GPC5: variants seen among roughly 807,000 people sequenced by gnomAD.
The protein encoded by GPC5 is glypican-5.
A neutral mutation model predicts 53.9 loss-of-function variants in GPC5; 47 were observed. That is an observed-to-expected ratio of 0.87 (90% CI 0.69 to 1.11). The LOEUF is 1.11. GPC5 is among the 50% of genes most tolerant of loss of function. The probability of loss-of-function intolerance (pLI) is 0.00; values close to 1 mark genes in which losing one functional copy is unlikely to be tolerated. For missense variants in GPC5, 748 were observed against 713.1 expected (o/e 1.05, Z -0.56); for synonymous variants, 286 against 263.3 (o/e 1.09, Z -0.84).
At chr13:91,989,644 G>A (rs1489388936) in intron 6 of GPC5, among the ~76,000 whole-genome samples, 1 of 152,130 alleles carries the variant, frequency 6.6e-6, no homozygotes, top group South Asian at 2.1e-4. Context: ...TAAAAGGCAT[G>A]TCATTTATTC....
At chr13:91,422,850 C>T (rs1237491572) in intron 1 of GPC5, among the ~76,000 whole-genome samples, 1 of 152,090 alleles carries the variant, frequency 6.6e-6, no homozygotes, top group Non-Finnish European at 1.5e-5. Flanking sequence ...TCATTGACAC[C>T]TTAATCTATG....
At chr13:92,859,832 C>G (rs1879121390) in intron 7 of GPC5, among the ~76,000 whole-genome samples, 1 of 152,010 alleles carries the variant, frequency 6.6e-6, no homozygotes, top group Admixed American at 6.6e-5. Flanking sequence ...GATGTGTGTT[C>G]TTTTGCTAAA....
chr13:92,523,597 A>T (rs1881153362), intron 7 of GPC5, among the ~76,000 whole-genome samples: 1 of 152,114 alleles, frequency 6.6e-6, no homozygotes, highest in South Asian at 2.1e-4. Context: ...TAGGTCTTCC[A>T]AATAACTATT....
At chr13:91,882,670 GTTTTT>G in intron 5 of GPC5, among the ~76,000 whole-genome samples, 1 of 59,322 alleles carries the variant, frequency 1.7e-5, no homozygotes, top group Non-Finnish European at 3.0e-5. Flanking sequence ...TGTTTTTTGG[GTTTTT>G]TTTTTTTTTT....
intron 7 of GPC5, among the ~76,000 whole-genome samples, chr13:92,385,597 AC>A (rs1874641540): frequency 1.5e-5 from 2 of 136,330 alleles, no homozygotes; most frequent in Admixed American, 7.6e-5. Flanking sequence ...ACGCATATAT[AC>A]ATATATACAC....
intron 7 of GPC5, among the ~76,000 whole-genome samples, chr13:92,595,767 CAAAAAAAA>C (rs35255458): frequency 1.1e-5 from 1 of 93,440 alleles, no homozygotes; most frequent in Non-Finnish European, 2.0e-5. Flanking sequence ...GACTCTGTCT[CAAAAAAAA>C]AAAAAAAAAA....
intron 7 of GPC5, among the ~76,000 whole-genome samples, chr13:92,852,485 T>C (rs1181106851): frequency 6.6e-6 from 1 of 152,220 alleles, no homozygotes; most frequent in Non-Finnish European, 1.5e-5. Context: ...TCCTGCACCC[T>C]GAGTTTCAGA....
chr13:91,660,672 C>G (rs1212816915), intron 2 of GPC5, among the ~76,000 whole-genome samples: 3 of 152,152 alleles, frequency 2.0e-5, no homozygotes, highest in Non-Finnish European at 4.4e-5. Flanking sequence ...TTTTGTTAAT[C>G]AGATCACCAG....
chr13:91,599,587 T>C (rs919340097), intron 2 of GPC5, among the ~76,000 whole-genome samples: 1 of 152,106 alleles, frequency 6.6e-6, no homozygotes, highest in Admixed American at 6.5e-5. Flanking sequence ...AAAATATACA[T>C]AAGTAAAAAC....
intron 2 of GPC5, among the ~76,000 whole-genome samples, chr13:91,512,481 G>A (rs1885284676): frequency 6.6e-6 from 1 of 152,200 alleles, no homozygotes; most frequent in Admixed American, 6.5e-5. Flanking sequence ...GGCATACTTT[G>A]AGGGATTCTC....
intron 7 of GPC5, among the ~76,000 whole-genome samples, chr13:92,192,390 T>G (rs570841272): frequency 4.6e-5 from 7 of 152,200 alleles, no homozygotes; most frequent in Admixed American, 3.3e-4. Context: ...AACATATAAC[T>G]GCTCTAAAAG....
intron 2 of GPC5, among the ~76,000 whole-genome samples, chr13:91,604,461 T>C (rs2033290327): frequency 6.6e-6 from 1 of 151,498 alleles, no homozygotes. Context: ...CCTTTGGGTA[T>C]ATACCCAGTA....
chr13:92,846,408 T>C (rs969057933), intron 7 of GPC5, among the ~76,000 whole-genome samples: 3 of 152,170 alleles, frequency 2.0e-5, no homozygotes, highest in Admixed American at 6.5e-5. Context: ...GATAATACTT[T>C]AGTAAAGTAT....
intron 2 of GPC5, among the ~76,000 whole-genome samples, chr13:91,542,898 C>T (rs907347508): frequency 6.8e-6 from 1 of 147,620 alleles, no homozygotes. Context: ...GCTCTGTCGC[C>T]CAGGCTGGAG....
chr13:91,965,352 A>C (rs2040171098), intron 6 of GPC5, among the ~76,000 whole-genome samples: 2 of 152,176 alleles, frequency 1.3e-5, no homozygotes, highest in Non-Finnish European at 2.9e-5. Flanking sequence ...GTCAGGTATA[A>C]AGGAGTGCTC....
Position 91,531,357 on chromosome 13 carries a change from C to T in GPC5, c.325+82435C>T, listed in dbSNP as rs200608249. 9.9e-5 allele frequency among the ~76,000 whole-genome samples: 15 copies of T among 151,812 alleles called. No homozygotes were observed. The East Asian group carries it at 1.7e-3, about 18-fold the overall frequency. On this transcript the variant is annotated intron_variant, in intron 2 of 7. Coordinates refer to ENST00000377067, the MANE Select transcript of GPC5 (RefSeq NM_004466.6). Reference sequence around the variant, plus strand: ...TTTATAGAAGTCATTGTGGATAAAGCGAAGAACATAGGGGTTTTTTTTCCT... The same window carrying T: ...TTTATAGAAGTCATTGTGGATAAAGTGAAGAACATAGGGGTTTTTTTTCCT...
At chr13:92,312,870 T>A (rs969601083) in intron 7 of GPC5, among the ~76,000 whole-genome samples, 2 of 152,208 alleles carry the variant, frequency 1.3e-5, no homozygotes, top group Admixed American at 6.6e-5. Flanking sequence ...TGAAATGTCA[T>A]CCGTGGTATA....
intron 6 of GPC5, among the ~76,000 whole-genome samples, chr13:92,134,742 T>C (rs1321385325): frequency 6.6e-6 from 1 of 152,108 alleles, no homozygotes; most frequent in Non-Finnish European, 1.5e-5. Flanking sequence ...TAAAATATCT[T>C]TCTAAAAGGG....
At chr13:92,031,705 TATATATTACATATATGTA>T (rs1230311724) in intron 6 of GPC5, among the ~76,000 whole-genome samples, 4 of 64,962 alleles carry the variant, frequency 6.2e-5, no homozygotes, top group Non-Finnish European at 8.5e-5. Flanking sequence ...TAATATATTA[TATATATTACATATATGTA>T]ATATATTACA....
Sources: allele counts gnomAD v4.1 joint callset (sites outside exome capture counted in the v4.1 genomes callset), GRCh38; gene constraint gnomAD v4.1.1; transcripts MANE v1.5; gene names NCBI Gene and HGNC (gene_info 2026-07-23, HGNC 2026-07-21).